The following GPC5 variants were observed in gnomAD, a reference collection of about 807,000 sequenced individuals.
GPC5 encodes glypican 5.
Under a neutral mutation model 53.9 loss-of-function variants are expected in GPC5, and 47 were observed. That is an observed-to-expected ratio of 0.87 (90% CI 0.69 to 1.11). The LOEUF is 1.11. GPC5 is among the 50% of genes most tolerant of loss of function. The pLI is 0.00. For missense variants in GPC5, 748 were observed against 713.1 expected (o/e 1.05, Z -0.56); for synonymous variants, 286 against 263.3 (o/e 1.09, Z -0.84).
intron 2 of GPC5, among the ~76,000 whole-genome samples, chr13:91,536,604 C>A (rs766243981): frequency 6.6e-6 from 1 of 152,182 alleles, no homozygotes; most frequent in Non-Finnish European, 1.5e-5. Flanking sequence ...AGGGAAGGAT[C>A]TACTTTGACC....
intron 6 of GPC5, among the ~76,000 whole-genome samples, chr13:92,076,798 T>C (rs1340459931): frequency 6.6e-6 from 1 of 152,218 alleles, no homozygotes; most frequent in Non-Finnish European, 1.5e-5. Flanking sequence ...GGGGGATATA[T>C]GCATCTGTAA....
chr13:92,225,594 C>A (rs1393692849), intron 7 of GPC5, among the ~76,000 whole-genome samples: 1 of 152,142 alleles, frequency 6.6e-6, no homozygotes, highest in Non-Finnish European at 1.5e-5. Context: ...CCTGAAATAA[C>A]ATACATGAGC....
chr13:92,333,604 C>A (rs546791756), intron 7 of GPC5, among the ~76,000 whole-genome samples: 12 of 152,194 alleles, frequency 7.9e-5, no homozygotes, highest in Non-Finnish European at 1.3e-4. Flanking sequence ...AAGACTGAGA[C>A]TGAATCACAG....
intron 7 of GPC5, among the ~76,000 whole-genome samples, chr13:92,623,651 G>A (rs1164933552): frequency 2.0e-5 from 3 of 151,974 alleles, no homozygotes; most frequent in Non-Finnish European, 4.4e-5. Flanking sequence ...CTTTAGTAAG[G>A]ATCAAGCTAT....
Position 92,480,994 on chromosome 13 carries a change from G to A in GPC5, c.1561+336005G>A, listed in dbSNP as rs201370711. ...ATGAGTGCCTCTTGAAGTTGGAAAAGGCAAAGGAACAGGTTCTCCCCTAGA... is the reference window on the plus strand; with the variant it reads ...ATGAGTGCCTCTTGAAGTTGGAAAAAGCAAAGGAACAGGTTCTCCCCTAGA... On this transcript the variant is annotated intron_variant, in intron 7 of 7. Coordinates refer to ENST00000377067, the MANE Select transcript of GPC5 (RefSeq NM_004466.6). Among the ~76,000 whole-genome samples the A allele has an allele frequency of 9.9e-5, 15 of 152,270 alleles. No homozygotes were observed. In the East Asian group the frequency reaches 2.9e-3, roughly 29 times the overall value.
At chr13:92,583,716 C>T (rs752197912) in intron 7 of GPC5, among the ~76,000 whole-genome samples, 7 of 152,134 alleles carry the variant, frequency 4.6e-5, no homozygotes, top group Non-Finnish European at 7.3e-5. Flanking sequence ...GAATAGTTTC[C>T]TCTTATCTTC....
chr13:91,753,948 G>A (rs1272973771), intron 4 of GPC5, among the ~76,000 whole-genome samples: 1 of 152,120 alleles, frequency 6.6e-6, no homozygotes, highest in Non-Finnish European at 1.5e-5. Context: ...TTGCTTACCT[G>A]TGAATCCTTA....
intron 7 of GPC5, among the ~76,000 whole-genome samples, chr13:92,588,053 G>T (rs1259612725): frequency 6.6e-6 from 1 of 152,080 alleles, no homozygotes; most frequent in South Asian, 2.1e-4. Flanking sequence ...TTAGGTATTT[G>T]TCCTAATGCT....
chr13:92,192,951 C>T (rs955645981), intron 7 of GPC5, among the ~76,000 whole-genome samples: 13 of 152,018 alleles, frequency 8.6e-5, no homozygotes, highest in African/African-American at 2.2e-4. Flanking sequence ...TCAAGGCGGG[C>T]GGATCACAAG....
chr13:92,188,436 A>G (rs752111185), intron 7 of GPC5, among the ~76,000 whole-genome samples: 3 of 152,180 alleles, frequency 2.0e-5, no homozygotes, highest in Non-Finnish European at 4.4e-5. Context: ...AGTAAAGGGA[A>G]AGGATAAGAA....
At chr13:91,535,222 A>G (rs1221731284) in intron 2 of GPC5, among the ~76,000 whole-genome samples, 1 of 152,166 alleles carries the variant, frequency 6.6e-6, no homozygotes. Flanking sequence ...CTCAGTTAAG[A>G]CATCACCCTT....
chr13:92,748,609 C>T (rs538341714), intron 7 of GPC5, among the ~76,000 whole-genome samples: 35 of 152,110 alleles, frequency 2.3e-4, no homozygotes, highest in Non-Finnish European at 2.9e-4. Context: ...GTGTGAGCCA[C>T]GGCACCTGGC....
chr13:92,046,121 G>GA (rs11443585), intron 6 of GPC5, among the ~76,000 whole-genome samples: 70,472 of 147,514 alleles, frequency 0.48, 16,821 homozygotes, highest in Admixed American at 0.53. Flanking sequence ...ATATCAAACA[G>GA]AAAAAAAAAA....
intron 5 of GPC5, among the ~76,000 whole-genome samples, chr13:91,774,476 T>C (rs1423781332): frequency 2.0e-5 from 3 of 152,154 alleles, no homozygotes; most frequent in African/African-American, 4.8e-5. Flanking sequence ...GCACCTGTGA[T>C]AGCCTGTGAA....
At chr13:92,298,525 G>A (rs1229993801) in intron 7 of GPC5, among the ~76,000 whole-genome samples, 1 of 152,164 alleles carries the variant, frequency 6.6e-6, no homozygotes, top group Non-Finnish European at 1.5e-5. Context: ...CCCTGTGTTT[G>A]GCTTGGCTCT....
chr13:91,549,391 A>T (rs1173999104), intron 2 of GPC5, among the ~76,000 whole-genome samples: 1 of 152,168 alleles, frequency 6.6e-6, no homozygotes, highest in Admixed American at 6.6e-5. Flanking sequence ...GAAAAACATA[A>T]CTGATAACCT....
chr13:92,637,252 A>T (rs981804694), intron 7 of GPC5, among the ~76,000 whole-genome samples: 1 of 152,214 alleles, frequency 6.6e-6, no homozygotes, highest in Admixed American at 6.5e-5. Flanking sequence ...GTCAGAGATG[A>T]GAATTTGGGA....
At chr13:92,071,859 A>G (rs2041214150) in intron 6 of GPC5, among the ~76,000 whole-genome samples, 1 of 147,146 alleles carries the variant, frequency 6.8e-6, no homozygotes, top group African/African-American at 2.5e-5. Flanking sequence ...CGAATTTATT[A>G]TAATATATAT....
intron 5 of GPC5, among the ~76,000 whole-genome samples, chr13:91,846,448 A>T (rs1223056868): frequency 6.6e-6 from 1 of 152,154 alleles, no homozygotes; most frequent in African/African-American, 2.4e-5. Flanking sequence ...TTAGTAACTT[A>T]GAATTTCCTT....
Sources: allele counts gnomAD v4.1 joint callset (sites outside exome capture counted in the v4.1 genomes callset), GRCh38; gene constraint gnomAD v4.1.1; transcripts MANE v1.5; gene names NCBI Gene and HGNC (gene_info 2026-07-23, HGNC 2026-07-21).